Variants in SPTBN1 observed in about 807,000 individuals in gnomAD.
SPTBN1 encodes spectrin beta, non-erythrocytic 1.
SPTBN1 carries 32 observed loss-of-function variants against 266.4 expected under a neutral mutation model. The observed-to-expected ratio is 0.12, with a 90% CI of 0.09 to 0.16. The LOEUF (loss-of-function observed/expected upper bound fraction) is 0.16, where lower values mean the gene tolerates loss of function less well. SPTBN1 is among the 10% of genes least tolerant of loss of function. SPTBN1 has a pLI of 1.00. For synonymous variants in SPTBN1, 1,336 were observed against 1,162.2 expected (o/e 1.15, Z -3.04); for missense variants, 2,296 against 3,067.1 (o/e 0.75, Z 5.94).
In SPTBN1 at chr2:54,558,526, G is replaced by T; in HGVS notation, c.148+31960G>T. 8.0e-7 allele frequency: 1 copy of T among 1,242,742 alleles called. No homozygotes were observed. The highest frequency in any genetic ancestry group is 3.7e-5 in the East Asian group (1 of 27,244). 77.0% of individuals were successfully genotyped at this position (1,242,742 alleles called of 1,614,324 possible). On this transcript the variant is annotated intron_variant, in intron 2 of 35. Transcript: ENST00000356805. The surrounding 1 kb of genome is among the most constrained non-coding windows in gnomAD (Gnocchi z 4.6). Reference sequence around the variant, plus strand: ...TCCCTCCTCCTCAGTAATTTATTTCGAGCTTCCAGGCAAGGGCCACGGAAG... The same window carrying T: ...TCCCTCCTCCTCAGTAATTTATTTCTAGCTTCCAGGCAAGGGCCACGGAAG...
chr2:54,478,208 G>C (rs1016225657), intron 1 of SPTBN1, among the ~76,000 whole-genome samples: 3 of 152,104 alleles, frequency 2.0e-5, no homozygotes, highest in African/African-American at 7.2e-5. Flanking sequence ...GTCTGTGGCA[G>C]GTCTTCCCCG....
chr2:54,637,008 A>C (rs372037013), intron 17 of SPTBN1, among the ~76,000 whole-genome samples: 34 of 152,210 alleles, frequency 2.2e-4, no homozygotes, highest in African/African-American at 7.7e-4. Flanking sequence ...TTTGCCAAAG[A>C]GTGCTGGCAC....
chr2:54,642,346 G>C (rs1198159961), intron 18 of SPTBN1, among the ~76,000 whole-genome samples: 2 of 152,112 alleles, frequency 1.3e-5, no homozygotes, highest in Non-Finnish European at 2.9e-5. Flanking sequence ...AAGTGTTCTT[G>C]GTGTGAATGA....
Position 54,621,391 on chromosome 2 carries a change from G to C in SPTBN1, c.764-9G>C, listed in dbSNP as rs780534333. ...CAACACACTGAACAGAGTCTTCTCT[G>C]GGTTACAGACATCAGCGTGGACCAT... is the stretch of plus-strand genomic sequence containing the variant. On this transcript the variant is annotated splice_polypyrimidine_tract_variant and intron_variant, in intron 7 of 35. Transcript: ENST00000356805. 2 of 1,609,592 alleles carry C rather than the reference G, an allele frequency of 1.2e-6. No homozygotes were observed. Among genetic ancestry groups the C allele is most frequent in the South Asian group, 1.1e-5 (1 of 90,930 alleles).
intron 1 of SPTBN1, chr2:54,520,363 C>T (rs1670366480): frequency 6.6e-6 from 1 of 152,086 alleles, no homozygotes; most frequent in Non-Finnish European, 1.5e-5. Flanking sequence ...AGTTTCTTTC[C>T]TAATGGTTAT....
intron 1 of SPTBN1, among the ~76,000 whole-genome samples, chr2:54,481,391 A>AGAGT (rs1455743105): frequency 5.0e-4 from 59 of 117,408 alleles, no homozygotes; most frequent in African/African-American, 2.0e-3. Flanking sequence ...CAGAAACCTG[A>AGAGT]GTGTGTGTGT....
intron 1 of SPTBN1, among the ~76,000 whole-genome samples, chr2:54,472,144 C>T (rs1388577938): frequency 1.3e-5 from 2 of 150,528 alleles, no homozygotes; most frequent in Non-Finnish European, 2.9e-5. Context: ...TCTCCTGCCT[C>T]AGCCTCCTGA....
Position 54,564,163 on chromosome 2 carries a change from G to T in SPTBN1, c.149-34929G>T, listed in dbSNP as rs532834871. Among the ~76,000 whole-genome samples, 26 of 152,280 alleles carry T rather than the reference G, an allele frequency of 1.7e-4. No individual in the cohort carries two copies. In the South Asian group the frequency reaches 5.4e-3, roughly 32 times the overall value. On this transcript the variant is annotated intron_variant, in intron 2 of 35. Transcript: ENST00000356805. ...GCATTAAGAATATTGACAGTCAAGGGAATACCAACTTTTTCTTAAATCTAA... is the reference window on the plus strand; with the variant it reads ...GCATTAAGAATATTGACAGTCAAGGTAATACCAACTTTTTCTTAAATCTAA...
intron 3 of SPTBN1, among the ~76,000 whole-genome samples, chr2:54,603,792 T>C (rs1163643517): frequency 1.3e-5 from 2 of 152,206 alleles, no homozygotes; most frequent in East Asian, 3.8e-4. Flanking sequence ...TAGAGGCCTT[T>C]GTTTGTGAAT....
chr2:54,571,839 AG>A (rs1478097720), intron 2 of SPTBN1, among the ~76,000 whole-genome samples: 1 of 152,220 alleles, frequency 6.6e-6, no homozygotes, highest in African/African-American at 2.4e-5. Context: ...TTTTCCTTCC[AG>A]GGGCCTCTTC....
At chr2:54,655,034 G>T in intron 27 of SPTBN1, 36 bp from the exon 28 acceptor site, 2 of 1,574,656 alleles carry the variant, frequency 1.3e-6, no homozygotes, top group South Asian at 2.3e-5. Flanking sequence ...TGAAAAGCTT[G>T]ATCTCCTAAC....
Position 54,645,884 on chromosome 2 carries a change from G to A in SPTBN1, c.4495-44G>A. ...CACTGCTCGTTTGTGTCGTATATTT[G>A]TTCCTCTGAGTGGATCTGACCACTT... On this transcript the variant is annotated intron_variant, in intron 21 of 35. Coordinates refer to ENST00000356805, the MANE Select transcript of SPTBN1 (RefSeq NM_003128.3). The surrounding 1 kb of genome is among the most constrained non-coding windows in gnomAD (Gnocchi z 4.3). The A allele has an allele frequency of 6.2e-7, 1 of 1,603,900 alleles. No individual in the cohort carries two copies. The highest frequency in any genetic ancestry group is 8.5e-7 in the Non-Finnish European group (1 of 1,171,170).
rs144258663 is a variant in SPTBN1, at chr2:54,619,027, T to C, written c.763+834T>C. On this transcript the variant is annotated intron_variant, in intron 7 of 35. Coordinates refer to ENST00000356805, the MANE Select transcript of SPTBN1 (RefSeq NM_003128.3). ...CTAATTTTGAGAAGCATTTAAAATATCTGGATTTGTTTGAAGTGCTGGAGA... is the reference window on the plus strand; with the variant it reads ...CTAATTTTGAGAAGCATTTAAAATACCTGGATTTGTTTGAAGTGCTGGAGA... Among the ~76,000 whole-genome samples the C allele has an allele frequency of 5.3e-5, 8 of 152,364 alleles. No individual in the cohort carries two copies. In the East Asian group the frequency reaches 1.3e-3, roughly 26 times the overall value.
intron 2 of SPTBN1, among the ~76,000 whole-genome samples, chr2:54,564,517 T>C (rs1673542212): frequency 6.6e-6 from 1 of 152,216 alleles, no homozygotes; most frequent in Non-Finnish European, 1.5e-5. Context: ...CAAACATGTC[T>C]GGGATTCATC....
At chr2:54,470,854 A>G (rs185947114) in intron 1 of SPTBN1, among the ~76,000 whole-genome samples, 2 of 152,318 alleles carry the variant, frequency 1.3e-5, no homozygotes, top group South Asian at 2.1e-4. Flanking sequence ...CTCATTAAAT[A>G]CTGAGATTAT....
chr2:54,477,843 G>A (rs911908706), intron 1 of SPTBN1, among the ~76,000 whole-genome samples: 26 of 152,012 alleles, frequency 1.7e-4, no homozygotes, highest in South Asian at 2.1e-4. Context: ...CCTGGGAGGC[G>A]GAGGTTGCAG....
At chr2:54,470,613 T>C (rs1024828260) in intron 1 of SPTBN1, among the ~76,000 whole-genome samples, 1 of 152,212 alleles carries the variant, frequency 6.6e-6, no homozygotes, top group Non-Finnish European at 1.5e-5. Flanking sequence ...GAGGGCTTTT[T>C]TCGTTTTTGC....
In SPTBN1 at chr2:54,612,299, C is replaced by G; in HGVS notation, c.439C>G (p.Leu147Val). Residue 147 changes from leucine (L) to valine (V), a missense_variant, in exon 4 of 36, where the codon CTT becomes GTT. Around this residue, in one of 12 missense-constraint regions of SPTBN1, gnomAD observed 178 missense variants for 375.7 expected, o/e 0.47. Coordinates refer to ENST00000356805, the MANE Select transcript of SPTBN1 (RefSeq NM_003128.3). Reference protein sequence around the residue: ...DIVDGNHRLTLGLIWTIILRF... With the variant: ...DIVDGNHRLTVGLIWTIILRF... ...CGTGGATGGAAACCACCGGCTGACC[C>G]TTGGCCTCATCTGGACCATCATCCT... The G allele has an allele frequency of 6.2e-7, 1 of 1,613,918 alleles. No homozygotes were observed.
Position 54,645,065 on chromosome 2 carries a change from C to A in SPTBN1, c.4270-164C>A. The A allele has an allele frequency of 1.5e-6, 1 of 646,568 alleles. No homozygotes were observed. The highest frequency in any genetic ancestry group is 2.7e-6 in the Non-Finnish European group (1 of 374,976). 40.1% of individuals were successfully genotyped at this position (646,568 alleles called of 1,614,324 possible). A position where few individuals can be genotyped will look rare whatever the true frequency, so the allele number is the denominator to read the frequency against. ...AATTTACCTCAGATTTACTTGAAAACAGTTCCATTGATGTTGAAAAGCAAG... is the reference window on the plus strand; with the variant it reads ...AATTTACCTCAGATTTACTTGAAAAAAGTTCCATTGATGTTGAAAAGCAAG... On this transcript the variant is annotated intron_variant, in intron 20 of 35. Transcript: ENST00000356805. This position sits in a 1 kb window ranked among gnomAD's most constrained non-coding sequence, Gnocchi z 4.3.
Sources: allele counts gnomAD v4.1 joint callset (sites outside exome capture counted in the v4.1 genomes callset), GRCh38; gene constraint gnomAD v4.1.1; regional missense constraint gnomAD v4.1.1; non-coding constraint Gnocchi (gnomAD v3.1); transcripts MANE v1.5; gene names NCBI Gene and HGNC (gene_info 2026-07-23, HGNC 2026-07-21).